RNF220: variants seen among roughly 807,000 people sequenced by gnomAD.
The protein encoded by RNF220 is E3 ubiquitin-protein ligase RNF220.
In RNF220, 7 loss-of-function variants were observed where a neutral mutation model predicts 67.1. That is an observed-to-expected ratio of 0.10 (90% CI 0.06 to 0.20). The LOEUF is 0.20. RNF220 is among the 10% of genes least tolerant of loss of function. RNF220 has a pLI of 1.00. For missense variants in RNF220, 565 were observed against 740.3 expected, an observed-to-expected ratio of 0.76 and a Z score of 2.75; for synonymous variants, 270 against 283.2, an observed-to-expected ratio of 0.95 and a Z score of 0.47.
At chr1:44,433,787 A>T (rs1232108899) in intron 2 of RNF220, among the ~76,000 whole-genome samples, 1 of 152,028 alleles carries the variant, frequency 6.6e-6, no homozygotes, top group African/African-American at 2.4e-5. Context: ...GCATGGTGAA[A>T]CCCCATCTCT....
chr1:44,439,095 C>T (rs1199369563), intron 2 of RNF220, among the ~76,000 whole-genome samples: 1 of 152,172 alleles, frequency 6.6e-6, no homozygotes, highest in African/African-American at 2.4e-5. Context: ...TGTCAAGCGT[C>T]TGATCATTTT....
At chr1:44,500,233 C>G (rs902156837) in intron 2 of RNF220, among the ~76,000 whole-genome samples, 2 of 152,236 alleles carry the variant, frequency 1.3e-5, no homozygotes, top group Non-Finnish European at 2.9e-5. Context: ...AGGCTACACA[C>G]GCTGCCCTTG....
chr1:44,562,955 C>T (rs147742707), intron 2 of RNF220, among the ~76,000 whole-genome samples: 2 of 152,194 alleles, frequency 1.3e-5, no homozygotes, highest in Middle Eastern at 3.2e-3. Context: ...TATACTTGCT[C>T]TCTGTCTTGG....
At chr1:44,495,395 T>C (rs1383920591) in intron 2 of RNF220, among the ~76,000 whole-genome samples, 11 of 152,222 alleles carry the variant, frequency 7.2e-5, no homozygotes, top group Admixed American at 6.5e-4. Flanking sequence ...AGATGATCTC[T>C]AAGACTGCTT....
At chr1:44,487,614 C>T (rs149960958) in intron 2 of RNF220, among the ~76,000 whole-genome samples, 3,495 of 150,110 alleles carry the variant, frequency 0.023, 71 homozygotes, top group African/African-American at 0.057. Flanking sequence ...GGATGGATCA[C>T]TTGAGGTGAG....
chr1:44,589,353 G>T (rs987774455), intron 2 of RNF220, among the ~76,000 whole-genome samples: 4 of 152,150 alleles, frequency 2.6e-5, no homozygotes, highest in African/African-American at 9.7e-5. Flanking sequence ...GGTGGCTCAC[G>T]CCTGTAATCC....
At position 44,412,619 on chromosome 1, in the gene RNF220, C is replaced by G. The variant is rs143749704; in HGVS notation, c.522C>G (p.Pro174=). 1 of 1,614,072 alleles carries G rather than the reference C, an allele frequency of 6.2e-7. No homozygotes were observed. Among genetic ancestry groups the G allele is most frequent in the Admixed American group, 1.7e-5 (1 of 60,008 alleles). The part of the protein sequence containing the change: ...DFGTQLPSSS[P]GSLKVDDTGK... The stretch of plus-strand genomic sequence containing the variant: ...GGACACAGCTGCCATCTAGCTCCCC[C>G]GGTTCACTAAAGGTTGATGACACTG... The change falls in exon 2 of 15, where the codon CCC becomes CCG. Residue 174 remains proline, a synonymous_variant. Coordinates refer to ENST00000361799, the MANE Select transcript of RNF220 (RefSeq NM_018150.4). This position sits in a 1 kb window ranked among gnomAD's most constrained non-coding sequence, Gnocchi z 5.3.
At chr1:44,570,742 C>A (rs376884967) in intron 2 of RNF220, among the ~76,000 whole-genome samples, 1 of 152,156 alleles carries the variant, frequency 6.6e-6, no homozygotes, top group African/African-American at 2.4e-5. Flanking sequence ...GGCCCTCCCA[C>A]GATCTATTCT....
intron 5 of RNF220, among the ~76,000 whole-genome samples, chr1:44,628,211 T>C (rs2148463596): frequency 6.6e-6 from 1 of 152,396 alleles, no homozygotes; most frequent in South Asian, 2.1e-4. Context: ...TCCTCTGTAC[T>C]GCACTCACGG....
At chr1:44,635,938 C>T (rs1644314897) in intron 7 of RNF220, 92 bp from the exon 8 acceptor site, 3 of 1,588,450 alleles carry the variant, frequency 1.9e-6, no homozygotes, top group Non-Finnish European at 2.6e-6. Flanking sequence ...TGGCACACCA[C>T]AGCTGGGGCT....
At chr1:44,438,725 C>T (rs1382811157) in intron 2 of RNF220, among the ~76,000 whole-genome samples, 1 of 152,080 alleles carries the variant, frequency 6.6e-6, no homozygotes, top group Admixed American at 6.6e-5. Flanking sequence ...TGGCTATCTG[C>T]CATGATTTTT....
chr1:44,600,650 G>A lies in RNF220; in HGVS notation c.626-13515G>A, dbSNP rs562099598. 5.5e-4 allele frequency among the ~76,000 whole-genome samples: 84 copies of A among 152,144 alleles called. No individual in the cohort carries two copies. The highest frequency in any genetic ancestry group is 1.9e-3 in the African/African-American group (77 of 41,506). Reference sequence around the variant, plus strand: ...AGCCTGGCCAACACGATGAAACTCCGTCTCTATTAAAAATACAAAAATTAG... The same window carrying A: ...AGCCTGGCCAACACGATGAAACTCCATCTCTATTAAAAATACAAAAATTAG... On this transcript the variant is annotated intron_variant, in intron 2 of 14. Coordinates refer to ENST00000361799, the MANE Select transcript of RNF220 (RefSeq NM_018150.4). The surrounding 1 kb of genome is among the most constrained non-coding windows in gnomAD (Gnocchi z 4.0).
At chr1:44,537,623 T>G (rs1265503517) in intron 2 of RNF220, among the ~76,000 whole-genome samples, 2 of 152,196 alleles carry the variant, frequency 1.3e-5, no homozygotes, top group Non-Finnish European at 2.9e-5. Flanking sequence ...CTCTTTACTA[T>G]ATGATAAACT....
In RNF220 at chr1:44,649,738, G is replaced by A. The variant is rs769490553; in HGVS notation, c.1523G>A (p.Arg508His). 1.7e-5 allele frequency: 28 copies of A among 1,613,930 alleles called. No homozygotes were observed. Among genetic ancestry groups the A allele is most frequent in the African/African-American group, 4.0e-5 (3 of 74,870 alleles). ...AGAGAACTTGAACGGCAGCTATCTC[G>A]TGGGGACCGTTACAAATGCCTCATC... ...RVRELERQLS[R>H]GDRYKCLICM... The change falls in exon 13 of 15, where the codon CGT becomes CAT. Residue 508 changes from arginine (R) to histidine (H), a missense_variant. Transcript: ENST00000361799. This position sits in a 1 kb window ranked among gnomAD's most constrained non-coding sequence, Gnocchi z 5.9.
chr1:44,644,620 C>T (rs1185500052), intron 8 of RNF220, 78 bp from the exon 9 acceptor site: 6 of 1,131,136 alleles, frequency 5.3e-6, no homozygotes, highest in South Asian at 1.3e-5. Flanking sequence ...AAAGCCTAAC[C>T]CCTACCTGGA....
chr1:44,458,722 A>G (rs547638034), intron 2 of RNF220, among the ~76,000 whole-genome samples: 131 of 152,326 alleles, frequency 8.6e-4, no homozygotes, highest in African/African-American at 2.7e-3. Context: ...GTTTAATTAA[A>G]TTATGTAAAT....
chr1:44,514,728 C>T (rs1217427621), intron 2 of RNF220, among the ~76,000 whole-genome samples: 1 of 152,084 alleles, frequency 6.6e-6, no homozygotes, highest in African/African-American at 2.4e-5. Context: ...GATAACAAGA[C>T]CCATAAATGA....
intron 2 of RNF220, among the ~76,000 whole-genome samples, chr1:44,543,752 A>G (rs1661877621): frequency 6.6e-6 from 1 of 151,928 alleles, no homozygotes; most frequent in South Asian, 2.1e-4. Flanking sequence ...CAATCCCAGA[A>G]CCCCAAAAGC....
chr1:44,604,850 C>T (rs1045041466), intron 2 of RNF220, among the ~76,000 whole-genome samples: 1 of 152,206 alleles, frequency 6.6e-6, no homozygotes, highest in Non-Finnish European at 1.5e-5. Flanking sequence ...TGAGTTTCTG[C>T]AGGCAGAATG....
Sources: gnomAD v4.1 joint callset for allele counts (sites outside exome capture counted in the v4.1 genomes callset) on GRCh38, gnomAD v4.1.1 for gene constraint, Gnocchi (gnomAD v3.1) non-coding constraint, MANE v1.5 for transcripts, NCBI Gene and HGNC (gene_info 2026-07-23, HGNC 2026-07-21) for gene names.